KATNIP: variants seen among roughly 807,000 people sequenced by gnomAD.
KATNIP encodes the protein katanin-interacting protein.
A neutral mutation model predicts 174.0 loss-of-function variants in KATNIP; 126 were observed. The observed-to-expected ratio is 0.72, with a 90% confidence interval of 0.63 to 0.84. KATNIP has a LOEUF of 0.84. Ranked by LOEUF, KATNIP falls within the 40% of genes least tolerant of loss-of-function variation. The probability of loss-of-function intolerance (pLI) is 0.00; values close to 1 mark genes in which losing one functional copy is unlikely to be tolerated. For synonymous variants in KATNIP, 810 were observed against 835.7 expected, an observed-to-expected ratio of 0.97 and a Z score of 0.53; for missense variants, 1,958 against 2,109.7, an observed-to-expected ratio of 0.93 and a Z score of 1.41.
intron 15 of KATNIP, among the ~76,000 whole-genome samples, chr16:27,744,633 A>C (rs1316253041): frequency 6.6e-6 from 1 of 151,528 alleles, no homozygotes; most frequent in Non-Finnish European, 1.5e-5. Flanking sequence ...CTGTAATCCC[A>C]GCACTTTGGG....
chr16:27,569,129 T>A (rs1489544842), intron 1 of KATNIP, among the ~76,000 whole-genome samples: 1 of 152,244 alleles, frequency 6.6e-6, no homozygotes, highest in African/African-American at 2.4e-5. Flanking sequence ...TAAAAAGCTA[T>A]GTCCTGTAGA....
intron 14 of KATNIP, among the ~76,000 whole-genome samples, chr16:27,729,160 G>A (rs1206378884): frequency 1.3e-5 from 2 of 152,188 alleles, no homozygotes; most frequent in African/African-American, 4.8e-5. Flanking sequence ...ACGCTGGGTG[G>A]CTGGCTTTAG....
chr16:27,719,485 G>A (rs904239849), intron 13 of KATNIP, among the ~76,000 whole-genome samples: 2 of 151,420 alleles, frequency 1.3e-5, no homozygotes, highest in Admixed American at 1.3e-4. Flanking sequence ...CGATTCTCCT[G>A]CCTCAGCCTC....
chr16:27,638,868 T>A (rs1035112441), intron 5 of KATNIP, among the ~76,000 whole-genome samples: 1 of 144,976 alleles, frequency 6.9e-6, no homozygotes, highest in African/African-American at 2.6e-5. Flanking sequence ...AGACAGGTTC[T>A]TGCTATGTAG....
intron 2 of KATNIP, among the ~76,000 whole-genome samples, chr16:27,601,272 T>C (rs2075515255): frequency 6.6e-6 from 1 of 152,046 alleles, no homozygotes; most frequent in Non-Finnish European, 1.5e-5. Context: ...GGCGTCCTGA[T>C]GGGGGAGGCC....
intron 1 of KATNIP, among the ~76,000 whole-genome samples, chr16:27,561,320 GC>G (rs941362272): frequency 9.9e-5 from 15 of 151,984 alleles, no homozygotes; most frequent in Non-Finnish European, 1.9e-4. Context: ...ACTTTGCCTG[GC>G]CTGGTCCTTT....
At chr16:27,715,599 A>C (rs932792322) in intron 13 of KATNIP, among the ~76,000 whole-genome samples, 1 of 152,224 alleles carries the variant, frequency 6.6e-6, no homozygotes, top group African/African-American at 2.4e-5. Context: ...TGACAAAAAG[A>C]TGAACAACCC....
At chr16:27,649,760 GA>G (rs1490191965) in intron 6 of KATNIP, among the ~76,000 whole-genome samples, 5 of 152,366 alleles carry the variant, frequency 3.3e-5, no homozygotes, top group African/African-American at 1.2e-4. Flanking sequence ...GTTCTCTGAA[GA>G]AAACAGAAGA....
At chr16:27,750,327 T>C in intron 16 of KATNIP, 21 bp downstream of exon 16, 1 of 1,581,020 alleles carries the variant, frequency 6.3e-7, no homozygotes, top group Non-Finnish European at 8.6e-7. Flanking sequence ...TCTGTAAGAA[T>C]TTTCTCAGAG....
Position 27,668,615 on chromosome 16 carries a change from T to C in KATNIP, c.541-9114T>C, listed in dbSNP as rs1012941194. ...GATGGTCATTCCTCCATACCCTGGGTCTGCCATTACTGGCCATGTGACCTT... is the reference window on the plus strand; with the variant it reads ...GATGGTCATTCCTCCATACCCTGGGCCTGCCATTACTGGCCATGTGACCTT... On this transcript the variant is annotated intron_variant, in intron 6 of 27. Coordinates refer to ENST00000261588, the MANE Select transcript of KATNIP (RefSeq NM_015202.5). Among the ~76,000 whole-genome samples the C allele has an allele frequency of 2.0e-5, 3 of 152,330 alleles. No individual in the cohort carries two copies. In the South Asian group the frequency reaches 6.2e-4, roughly 32 times the overall value.
chr16:27,661,991 T>C lies in KATNIP; in HGVS notation c.540+13256T>C, dbSNP rs866978437. Reference sequence around the variant, plus strand: ...ATATATATATATATATATATACACATACATATATATATATATATATATATA... The same window carrying C: ...ATATATATATATATATATATACACACACATATATATATATATATATATATA... On this transcript the variant is annotated intron_variant, in intron 6 of 27. Transcript: ENST00000261588. Among the ~76,000 whole-genome samples the C allele has an allele frequency of 6.2e-4, 16 of 25,948 alleles. 3 individuals carry two copies. Among genetic ancestry groups the C allele is most frequent in the African/African-American group, 4.0e-3 (14 of 3,470 alleles). 17.0% of individuals were successfully genotyped at this position (25,948 alleles called of 152,430 possible).
chr16:27,618,574 G>A lies in KATNIP; in HGVS notation c.140+73G>A, dbSNP rs2076108780. Reference sequence around the variant, plus strand: ...ATCTATTTAGATTTATTAACAGCAGGCAGGCCCTGCCTCACATAGGAATGG... The same window carrying A: ...ATCTATTTAGATTTATTAACAGCAGACAGGCCCTGCCTCACATAGGAATGG... On this transcript the variant is annotated intron_variant, in intron 3 of 27. Coordinates refer to ENST00000261588, the MANE Select transcript of KATNIP (RefSeq NM_015202.5). 11 of 1,094,448 alleles carry A rather than the reference G, an allele frequency of 1.0e-5. No homozygotes were observed. In the Admixed American group the frequency reaches 1.6e-4, roughly 16 times the overall value. 67.8% of individuals were successfully genotyped at this position (1,094,448 alleles called of 1,614,324 possible). A position where few individuals can be genotyped will look rare whatever the true frequency, so the allele number is the denominator to read the frequency against.
In KATNIP at chr16:27,777,544, G is replaced by A. The variant is rs1030348824; in HGVS notation, c.4552-66G>A. The A allele has an allele frequency of 1.1e-5, 17 of 1,494,034 alleles. No homozygotes were observed. Among genetic ancestry groups the A allele is most frequent in the Admixed American group, 1.0e-4 (5 of 49,304 alleles). 92.5% of individuals were successfully genotyped at this position (1,494,034 alleles called of 1,614,324 possible). A position where few individuals can be genotyped will look rare whatever the true frequency, so the allele number is the denominator to read the frequency against. On this transcript the variant is annotated intron_variant, in intron 25 of 27. Transcript: ENST00000261588. The surrounding 1 kb of genome is among the most constrained non-coding windows in gnomAD (Gnocchi z 4.4). Reference sequence around the variant, plus strand: ...AAGCCTTGGCTCAGAGCAGTAACGCGTTCTGCCCAAGGTCAACGTGGGAGG... The same window carrying A: ...AAGCCTTGGCTCAGAGCAGTAACGCATTCTGCCCAAGGTCAACGTGGGAGG...
At chr16:27,606,085 G>A (rs374779779) in intron 2 of KATNIP, among the ~76,000 whole-genome samples, 12 of 152,004 alleles carry the variant, frequency 7.9e-5, no homozygotes, top group Non-Finnish European at 1.8e-4. Context: ...AACTGAGATC[G>A]TGCCACTGCA....
rs1182956495 is a variant in KATNIP at position 27,677,931 on chromosome 16, CAGA to C, written c.746_748del (p.Glu249del). The C allele has an allele frequency of 2.5e-6, 4 of 1,614,244 alleles. No individual in the cohort carries two copies. Among genetic ancestry groups the C allele is most frequent in the Non-Finnish European group, 3.4e-6 (4 of 1,180,044 alleles). On this transcript the variant is annotated inframe_deletion, in exon 7 of 28. Transcript: ENST00000261588. Reference sequence around the variant, plus strand: ...AAAGATGTTCACGGGGAACAGGAGACAGAAGGACGCTCTTCTCCAGGCCCAGAC... The same window carrying C: ...AAAGATGTTCACGGGGAACAGGAGACAGGACGCTCTTCTCCAGGCCCAGAC...
chr16:27,625,215 T>C (rs1209862666), intron 3 of KATNIP, among the ~76,000 whole-genome samples: 1 of 152,254 alleles, frequency 6.6e-6, no homozygotes, highest in African/African-American at 2.4e-5. Context: ...CCAGTCTGAA[T>C]AATTATCTCC....
chr16:27,665,119 G>A (rs962513858), intron 6 of KATNIP, among the ~76,000 whole-genome samples: 4 of 151,074 alleles, frequency 2.6e-5, no homozygotes, highest in Admixed American at 1.3e-4. Flanking sequence ...TCTGTTCTCC[G>A]GAGGTTGTTT....
chr16:27,647,847 C>T (rs1402409362), intron 5 of KATNIP, among the ~76,000 whole-genome samples: 1 of 152,020 alleles, frequency 6.6e-6, no homozygotes, highest in African/African-American at 2.4e-5. Context: ...ATGGGGGTCT[C>T]ACTATGTTGC....
chr16:27,728,495 A>G (rs573089355), intron 14 of KATNIP, among the ~76,000 whole-genome samples: 2 of 152,282 alleles, frequency 1.3e-5, no homozygotes, highest in African/African-American at 2.4e-5. Context: ...CAGTGGCCTG[A>G]TCTCAGCTCA....
Sources: allele counts gnomAD v4.1 joint callset (sites outside exome capture counted in the v4.1 genomes callset), GRCh38; gene constraint gnomAD v4.1.1; non-coding constraint Gnocchi (gnomAD v3.1); transcripts MANE v1.5; gene names NCBI Gene and HGNC (gene_info 2026-07-23, HGNC 2026-07-21).